The following SDK1 variants were observed in gnomAD, a reference collection of about 807,000 sequenced individuals.
The protein encoded by SDK1 is sidekick cell adhesion molecule 1.
A neutral mutation model predicts 245.5 loss-of-function variants in SDK1; 157 were observed. The observed-to-expected ratio is 0.64, with a 90% CI of 0.56 to 0.73. The LOEUF (loss-of-function observed/expected upper bound fraction) is 0.73, where lower values mean the gene tolerates loss of function less well. Among genes scored for constraint, SDK1 ranks in the 30% least tolerant of loss-of-function variants. The probability of loss-of-function intolerance (pLI) is 0.00; values close to 1 mark genes in which losing one functional copy is unlikely to be tolerated. For missense variants in SDK1, 3,583 were observed against 3,002.3 expected (o/e 1.19, Z -4.52); for synonymous variants, 1,647 against 1,278.5 (o/e 1.29, Z -6.15).
intron 17 of SDK1, among the ~76,000 whole-genome samples, chr7:4,034,694 C>T (rs1443898624): frequency 5.3e-5 from 8 of 152,106 alleles, no homozygotes; most frequent in Non-Finnish European, 1.2e-4. Context: ...AATGAACTTG[C>T]AGACAAATGA....
intron 1 of SDK1, among the ~76,000 whole-genome samples, chr7:3,329,935 C>G (rs1780028088): frequency 6.6e-6 from 1 of 152,118 alleles, no homozygotes; most frequent in Non-Finnish European, 1.5e-5. Context: ...AAATACTATG[C>G]TGTTTTATAT....
At chr7:4,249,526 A>G (rs1236656619) in intron 44 of SDK1, among the ~76,000 whole-genome samples, 1 of 152,182 alleles carries the variant, frequency 6.6e-6, no homozygotes, top group Non-Finnish European at 1.5e-5. Context: ...ACCTACATAC[A>G]GGCAGAATTT....
At chr7:3,533,823 T>C (rs778790720) in intron 1 of SDK1, among the ~76,000 whole-genome samples, 4 of 152,186 alleles carry the variant, frequency 2.6e-5, no homozygotes, top group South Asian at 2.1e-4. Flanking sequence ...TTCTTAGTTA[T>C]GTGAATATAT....
At chr7:3,806,344 ATGTGGATGT>A (rs1562457001) in intron 4 of SDK1, among the ~76,000 whole-genome samples, 6 of 135,102 alleles carry the variant, frequency 4.4e-5, no homozygotes, top group African/African-American at 2.1e-4. Context: ...CCACATTAGG[ATGTGGATGT>A]CCACATTAGG....
chr7:4,190,558 C>T (rs1299686018), intron 35 of SDK1, among the ~76,000 whole-genome samples: 7 of 152,218 alleles, frequency 4.6e-5, no homozygotes, highest in Admixed American at 4.6e-4. Flanking sequence ...CTAAGAAGCC[C>T]TCGCCAAGGA....
chr7:3,426,160 T>TG lies in SDK1; in HGVS notation c.298+124277dup, dbSNP rs368702142. On this transcript the variant is annotated intron_variant, in intron 1 of 44. Coordinates refer to ENST00000404826, the MANE Select transcript of SDK1 (RefSeq NM_152744.4). ...GATAAGCAGTTGATTCCGTGTTTTT[T>TG]GAAGAGAACTTTTATGATAGTAGGA... 2.0e-5 allele frequency among the ~76,000 whole-genome samples: 3 copies of TG among 152,336 alleles called. No homozygotes were observed. In the East Asian group the frequency reaches 5.8e-4, roughly 29 times the overall value.
intron 17 of SDK1, among the ~76,000 whole-genome samples, chr7:4,041,052 A>G (rs996102055): frequency 6.6e-6 from 1 of 152,222 alleles, no homozygotes; most frequent in Non-Finnish European, 1.5e-5. Context: ...CTATCTGCCT[A>G]AATAATTTCT....
In SDK1 at chr7:4,267,845, G is replaced by A; in HGVS notation, c.*2461G>A. 1.0e-6 allele frequency: 1 copy of A among 985,644 alleles called. No homozygotes were observed. Among genetic ancestry groups the A allele is most frequent in the Non-Finnish European group, 1.2e-6 (1 of 830,076 alleles). The allele number at this position is 985,644 out of a possible 1,614,324, so 61.1% of individuals were successfully genotyped here. ...CCGGCCTCCTGGCTGCTGCTGGACT[G>A]TGCTTAGGACAGCGCCCATGCCTCG... On this transcript the variant is annotated 3_prime_UTR_variant, in exon 45 of 45. Transcript: ENST00000404826.
intron 17 of SDK1, among the ~76,000 whole-genome samples, chr7:4,032,026 C>CAA (rs1190606605): frequency 4.1e-5 from 3 of 73,196 alleles, no homozygotes; most frequent in Non-Finnish European, 9.0e-5. Flanking sequence ...GACTCTGCCT[C>CAA]AAAAAAAAAA....
chr7:3,710,174 G>C (rs769677605), intron 4 of SDK1, among the ~76,000 whole-genome samples: 3 of 152,132 alleles, frequency 2.0e-5, no homozygotes, highest in Admixed American at 6.5e-5. Flanking sequence ...AGATCTGGTG[G>C]TACTTAGAGC....
chr7:3,825,318 T>TAAA (rs763807672), intron 5 of SDK1, among the ~76,000 whole-genome samples: 8 of 71,352 alleles, frequency 1.1e-4, no homozygotes, highest in Admixed American at 3.3e-4. Context: ...TTTCTTCCTC[T>TAAA]AAAAAAAAAA....
intron 1 of SDK1, among the ~76,000 whole-genome samples, chr7:3,605,626 C>T (rs887344246): frequency 1.3e-5 from 2 of 151,984 alleles, no homozygotes; most frequent in African/African-American, 2.4e-5. Context: ...ATTTAATTTT[C>T]CTTTTTTTTT....
At chr7:3,699,140 G>A (rs764346813) in intron 4 of SDK1, among the ~76,000 whole-genome samples, 2 of 152,210 alleles carry the variant, frequency 1.3e-5, no homozygotes, top group Non-Finnish European at 2.9e-5. Flanking sequence ...AGTGTCAGAA[G>A]AGGCCTGATA....
At chr7:3,913,988 T>C (rs567830876) in intron 5 of SDK1, among the ~76,000 whole-genome samples, 1 of 152,298 alleles carries the variant, frequency 6.6e-6, no homozygotes, top group Non-Finnish European at 1.5e-5. Flanking sequence ...TCCCTGATGG[T>C]GCCTGCTTTT....
intron 27 of SDK1, 111 bp from the exon 28 acceptor site, chr7:4,132,214 G>A (rs73671564): frequency 0.011 from 8,663 of 804,570 alleles, 255 homozygotes; most frequent in African/African-American, 0.076. Flanking sequence ...CCACGACAGT[G>A]TAGCCTGTGG....
chr7:3,471,704 T>C lies in SDK1; in HGVS notation c.299-147376T>C, dbSNP rs181039246. On this transcript the variant is annotated intron_variant, in intron 1 of 44. Transcript: ENST00000404826. ...TTTCAAGATGAAGGACTGATAACAT[T>C]GTAAAGAAACAGAGAAAATACTGCT... is the stretch of plus-strand genomic sequence containing the variant. Among the ~76,000 whole-genome samples, 8 of 152,294 alleles carry C rather than the reference T, an allele frequency of 5.3e-5. No individual in the cohort carries two copies. In the East Asian group the frequency reaches 1.5e-3, roughly 29 times the overall value.
chr7:3,986,541 T>A (rs2128138936), intron 13 of SDK1, among the ~76,000 whole-genome samples: 1 of 152,356 alleles, frequency 6.6e-6, no homozygotes, highest in South Asian at 2.1e-4. Flanking sequence ...AAAAACAAAT[T>A]GTTGACCACG....
Position 3,678,686 on chromosome 7 carries a change from A to G in SDK1, c.713+36581A>G, listed in dbSNP as rs142192345. On this transcript the variant is annotated intron_variant, in intron 4 of 44. Coordinates refer to ENST00000404826, the MANE Select transcript of SDK1 (RefSeq NM_152744.4). ...CAGAGTTTCTGTTTGGGATGAAGAA[A>G]AAGTTCTGGATAGAAATAGTGGTGA... Among the ~76,000 whole-genome samples the G allele has an allele frequency of 5.0e-4, 76 of 152,300 alleles. 1 individual carries two copies. The highest frequency in any genetic ancestry group is 1.7e-3 in the African/African-American group (69 of 41,558).
chr7:3,703,104 G>C (rs1194956072), intron 4 of SDK1, among the ~76,000 whole-genome samples: 1 of 148,382 alleles, frequency 6.7e-6, no homozygotes, highest in African/African-American at 2.5e-5. Context: ...ATACGACTTA[G>C]TTCTCCTGAA....
Sources: gnomAD v4.1 joint callset for allele counts (sites outside exome capture counted in the v4.1 genomes callset) on GRCh38, gnomAD v4.1.1 for gene constraint, MANE v1.5 for transcripts, NCBI Gene and HGNC (gene_info 2026-07-23, HGNC 2026-07-21) for gene names.